CGNL1: variants seen among roughly 807,000 people sequenced by gnomAD.
The protein encoded by CGNL1 is cingulin-like protein 1.
A neutral mutation model predicts 141.2 loss-of-function variants in CGNL1; 132 were observed. That is an observed-to-expected ratio of 0.93 (90% CI 0.81 to 1.08). The LOEUF is 1.08. Among genes scored for constraint, CGNL1 ranks in the 50% least tolerant of loss-of-function variants. The pLI, the probability that CGNL1 is intolerant of heterozygous loss-of-function variation, is 0.00. For missense variants in CGNL1, 1,870 were observed against 1,588.6 expected (o/e 1.18, Z -3.01); for synonymous variants, 690 against 622.1 (o/e 1.11, Z -1.63).
Position 57,452,293 on chromosome 15 carries a change from A to C in CGNL1, c.2054+4A>C. ...AGCTCCGGAAGAATCTGGAGGAGTA[A>C]GTTCTGGGCTGAGAGCCTGTTGCCC... is the stretch of plus-strand genomic sequence containing the variant. On this transcript the variant is annotated splice_donor_region_variant and intron_variant, in intron 6 of 18. Coordinates refer to ENST00000281282, the MANE Select transcript of CGNL1 (RefSeq NM_032866.5). 34 of 1,611,834 alleles carry C rather than the reference A, an allele frequency of 2.1e-5. No homozygotes were observed. The highest frequency in any genetic ancestry group is 2.9e-5 in the Non-Finnish European group (34 of 1,179,048).
chr15:57,465,219 A>G (rs2063496344), intron 8 of CGNL1, among the ~76,000 whole-genome samples: 1 of 152,104 alleles, frequency 6.6e-6, no homozygotes, highest in Admixed American at 6.5e-5. Context: ...ATGTCTTGGT[A>G]TTATAGAATA....
intron 8 of CGNL1, among the ~76,000 whole-genome samples, chr15:57,463,961 A>T (rs780450516): frequency 3.3e-5 from 5 of 152,120 alleles, no homozygotes; most frequent in Non-Finnish European, 7.3e-5. Flanking sequence ...GTTTCTGCGG[A>T]ACCCTGGCCA....
intron 4 of CGNL1, among the ~76,000 whole-genome samples, chr15:57,449,797 G>A (rs2063299959): frequency 6.6e-6 from 1 of 152,132 alleles, no homozygotes; most frequent in African/African-American, 2.4e-5. Context: ...GGAGTGTTCT[G>A]TAGTTGGAAT....
chr15:57,542,188 GT>G (rs2032602809), intron 14 of CGNL1, among the ~76,000 whole-genome samples: 1 of 152,224 alleles, frequency 6.6e-6, no homozygotes, highest in Non-Finnish European at 1.5e-5. Context: ...ACTCACTGGG[GT>G]GCTTGTACAG....
At chr15:57,453,251 T>G (rs571134926) in intron 6 of CGNL1, among the ~76,000 whole-genome samples, 5 of 152,278 alleles carry the variant, frequency 3.3e-5, no homozygotes, top group African/African-American at 9.6e-5. Context: ...AACTTTACAC[T>G]AACAGGCAGT....
intron 14 of CGNL1, among the ~76,000 whole-genome samples, chr15:57,538,153 T>C (rs1388137967): frequency 2.0e-5 from 3 of 152,254 alleles, no homozygotes; most frequent in Non-Finnish European, 2.9e-5. Flanking sequence ...CTTCTGGGTT[T>C]ATGTTGAAAC....
At chr15:57,382,814 C>G (rs1351664501) in intron 1 of CGNL1, among the ~76,000 whole-genome samples, 1 of 152,136 alleles carries the variant, frequency 6.6e-6, no homozygotes, top group African/African-American at 2.4e-5. Context: ...AAGTGAGGAC[C>G]CCTTCCTCTC....
At chr15:57,529,559 AAC>A (rs10593466) in intron 13 of CGNL1, among the ~76,000 whole-genome samples, 9,438 of 137,758 alleles carry the variant, frequency 0.069, 314 homozygotes, top group Non-Finnish European at 0.071. Context: ...AACCCCCAGA[AAC>A]ACACACACAC....
intron 18 of CGNL1, 103 bp from the exon 19 acceptor site, chr15:57,547,252 C>T: frequency 7.0e-6 from 9 of 1,282,494 alleles, no homozygotes; most frequent in Non-Finnish European, 9.8e-6. Flanking sequence ...CTGTGCCACT[C>T]AGTGGGGTGC....
At chr15:57,440,895 T>C (rs1319455162) in intron 3 of CGNL1, among the ~76,000 whole-genome samples, 2 of 152,054 alleles carry the variant, frequency 1.3e-5, no homozygotes, top group Non-Finnish European at 2.9e-5. Context: ...CCTGCTTCCA[T>C]TATTTTTAAA....
intron 1 of CGNL1, among the ~76,000 whole-genome samples, chr15:57,386,567 C>G (rs1367832115): frequency 6.6e-6 from 1 of 152,176 alleles, no homozygotes; most frequent in African/African-American, 2.4e-5. Context: ...TGGTTGACAG[C>G]ATGAGGTCAG....
Position 57,393,173 on chromosome 15 carries a change from A to G in CGNL1, c.-16+16606A>G, listed in dbSNP as rs7175026. ...TTCTAAGTTTGATGCTCATAAATCA[A>G]AAGAAAGAATGTTGTAACTGACATT... On this transcript the variant is annotated intron_variant, in intron 1 of 18. Transcript: ENST00000281282. 6.0e-3 allele frequency among the ~76,000 whole-genome samples: 909 copies of G among 152,330 alleles called. 11 individuals carry two copies. The highest frequency in any genetic ancestry group is 0.021 in the African/African-American group (864 of 41,580).
intron 8 of CGNL1, among the ~76,000 whole-genome samples, chr15:57,473,072 T>TGCATTTCC (rs1342444787): frequency 6.6e-6 from 1 of 152,160 alleles, no homozygotes; most frequent in African/African-American, 2.4e-5. Context: ...CTACACCAGA[T>TGCATTTCC]GCATTTCCAG....
intron 1 of CGNL1, among the ~76,000 whole-genome samples, chr15:57,413,166 CTTCT>C (rs371303154): frequency 2.7e-4 from 41 of 151,190 alleles, no homozygotes; most frequent in Middle Eastern, 3.4e-3. Flanking sequence ...CCTTCTTCTC[CTTCT>C]TTCTTTCTTT....
Position 57,501,994 on chromosome 15 carries a change from C to T in CGNL1, c.2404-14786C>T, listed in dbSNP as rs114528084. The stretch of plus-strand genomic sequence containing the variant: ...TCTCTAGCCTCTGTGTGGGGTCTGA[C>T]TATTCTGTTCTCTGGGAGAATGTTC... On this transcript the variant is annotated intron_variant, in intron 8 of 18. Coordinates refer to ENST00000281282, the MANE Select transcript of CGNL1 (RefSeq NM_032866.5). 4.2e-3 allele frequency among the ~76,000 whole-genome samples: 647 copies of T among 152,300 alleles called. 5 individuals are homozygous for T. Among genetic ancestry groups the T allele is most frequent in the African/African-American group, 0.015 (629 of 41,548 alleles).
intron 8 of CGNL1, among the ~76,000 whole-genome samples, chr15:57,499,262 T>TG (rs1319373232): frequency 1.8e-5 from 2 of 113,738 alleles, no homozygotes; most frequent in African/African-American, 6.6e-5. Flanking sequence ...TTTTTTTTTT[T>TG]GGAGACGGAG....
chr15:57,488,195 G>A (rs1345875135), intron 8 of CGNL1, among the ~76,000 whole-genome samples: 1 of 152,094 alleles, frequency 6.6e-6, no homozygotes, highest in Non-Finnish European at 1.5e-5. Context: ...CCGTTTGTAT[G>A]TCTTCTTTGG....
At chr15:57,542,918 A>G (rs956597298) in intron 14 of CGNL1, among the ~76,000 whole-genome samples, 2 of 152,224 alleles carry the variant, frequency 1.3e-5, no homozygotes, top group Non-Finnish European at 2.9e-5. Flanking sequence ...TCAGAGAGAT[A>G]CTGTTAGCTC....
intron 13 of CGNL1, 114 bp downstream of exon 13, chr15:57,528,929 C>A (rs1005567370): frequency 1.9e-4 from 217 of 1,121,760 alleles, no homozygotes; most frequent in Non-Finnish European, 2.4e-4. Context: ...GATTTTTATT[C>A]TCTCCCACAG....
Sources: gnomAD v4.1 joint callset for allele counts (sites outside exome capture counted in the v4.1 genomes callset) on GRCh38, gnomAD v4.1.1 for gene constraint, MANE v1.5 for transcripts, NCBI Gene and HGNC (gene_info 2026-07-23, HGNC 2026-07-21) for gene names.